ZNF697: variants seen among roughly 807,000 people sequenced by gnomAD.
ZNF697 encodes zinc finger protein 697.
In ZNF697, 23 loss-of-function variants were observed where a neutral mutation model predicts 32.4. The ratio of observed to expected loss-of-function variants is 0.71; its 90% CI spans 0.51 to 1.01. The LOEUF is 1.01. ZNF697 is among the 50% of genes least tolerant of loss of function. The pLI, the probability that ZNF697 is intolerant of heterozygous loss-of-function variation, is 0.00. For missense variants in ZNF697, 930 were observed against 794.0 expected (o/e 1.17, Z -2.06); for synonymous variants, 418 against 337.2 (o/e 1.24, Z -2.62).
chr1:119,633,439 C>T (rs2101088711), intron 1 of ZNF697, among the ~76,000 whole-genome samples: 1 of 151,942 alleles, frequency 6.6e-6, no homozygotes, highest in Non-Finnish European at 1.5e-5. Context: ...AAAGAACTGG[C>T]TCATGCCATT....
At chr1:119,645,420 G>A (rs587604229) in intron 1 of ZNF697, among the ~76,000 whole-genome samples, 3 of 152,224 alleles carry the variant, frequency 2.0e-5, no homozygotes, top group African/African-American at 7.2e-5. Context: ...AATTACCAAG[G>A]GGTAAGATTA....
Position 119,623,017 on chromosome 1 carries a change from G to A in ZNF697, c.1326C>T (p.Cys442=), listed in dbSNP as rs1480197241. Residue 442 remains cysteine, a synonymous_variant, in exon 3 of 3, where the codon TGC becomes TGT. Coordinates refer to ENST00000421812, the MANE Select transcript of ZNF697 (RefSeq NM_001080470.2). ...GCGAGTTACGCCCGAAGCCCTTCCC[G>A]CACTCGCGGCACACGTAGGGCCGCT... ...SGERPYVCRE[C]GKGFGRNSHL... The A allele has an allele frequency of 6.3e-7, 1 of 1,587,964 alleles. No homozygotes were observed. The highest frequency in any genetic ancestry group is 8.6e-7 in the Non-Finnish European group (1 of 1,165,372).
rs1397810938 is a variant in ZNF697 at position 119,620,469 on chromosome 1, T to C, written c.*2236A>G. The C allele has an allele frequency of 1.3e-5, 2 of 152,366 alleles. No homozygotes were observed. The highest frequency in any genetic ancestry group is 4.8e-5 in the African/African-American group (2 of 41,328). 9.4% of individuals were successfully genotyped at this position (152,366 alleles called of 1,614,324 possible). ...GAAAACTTAAAACAGCTGGAAGAGG[T>C]AGATGTACATGGAAAGAAACCCACA... is the stretch of plus-strand genomic sequence containing the variant. On this transcript the variant is annotated 3_prime_UTR_variant, in exon 3 of 3. Transcript: ENST00000421812.
intron 1 of ZNF697, among the ~76,000 whole-genome samples, chr1:119,637,433 T>C (rs1184488291): frequency 2.0e-5 from 3 of 152,236 alleles, no homozygotes; most frequent in Non-Finnish European, 4.4e-5. Context: ...CTGTAGAGAA[T>C]GTATCCACAG....
chr1:119,646,633 A>G (rs902062016), intron 1 of ZNF697, among the ~76,000 whole-genome samples: 1 of 152,218 alleles, frequency 6.6e-6, no homozygotes, highest in African/African-American at 2.4e-5. Context: ...GCCTGGCCAT[A>G]TAAGTGGCAT....
intron 1 of ZNF697, among the ~76,000 whole-genome samples, chr1:119,646,742 C>T (rs1649215989): frequency 6.6e-6 from 1 of 152,084 alleles, no homozygotes; most frequent in African/African-American, 2.4e-5. Flanking sequence ...GGGGCATCAA[C>T]AAAAAATCAG....
At chr1:119,636,804 G>A (rs1291693103) in intron 1 of ZNF697, among the ~76,000 whole-genome samples, 1 of 152,190 alleles carries the variant, frequency 6.6e-6, no homozygotes, top group Non-Finnish European at 1.5e-5. Flanking sequence ...AACCTTTGGT[G>A]CTTGGCTAAT....
intron 1 of ZNF697, among the ~76,000 whole-genome samples, chr1:119,638,741 T>C (rs1441957367): frequency 6.6e-6 from 1 of 152,150 alleles, no homozygotes. Context: ...TGACCTGCAC[T>C]CCAGATCCAC....
In ZNF697 at chr1:119,622,769, C is replaced by G. The variant is rs777776256; in HGVS notation, c.1574G>C (p.Gly525Ala). The change falls in exon 3 of 3, where the codon GGC becomes GCC. Residue 525 changes from glycine to alanine, a missense_variant. Coordinates refer to ENST00000421812, the MANE Select transcript of ZNF697 (RefSeq NM_001080470.2). ...HTGNKPHKCAGCGKGFRYKTH... is the reference protein window; with the variant it reads ...HTGNKPHKCAACGKGFRYKTH... ...TTTATAGCGGAAGCCTTTGCCGCAGCCCGCACACTTGTGCGGCTTGTTGCC... is the reference window on the plus strand; with the variant it reads ...TTTATAGCGGAAGCCTTTGCCGCAGGCCGCACACTTGTGCGGCTTGTTGCC... The G allele has an allele frequency of 7.6e-6, 12 of 1,586,920 alleles. No individual in the cohort carries two copies. In the South Asian group the frequency reaches 1.4e-4, roughly 18 times the overall value.
At position 119,619,436 on chromosome 1, in the gene ZNF697, G is replaced by A. The variant is rs1557930505; in HGVS notation, c.*3269C>T. On this transcript the variant is annotated 3_prime_UTR_variant, in exon 3 of 3. Coordinates refer to ENST00000421812, the MANE Select transcript of ZNF697 (RefSeq NM_001080470.2). ...GAATGACATGGTAAAAGACTGATAT[G>A]GATTTAATGACAAATATTCCATATT... 1 of 152,156 alleles carries A rather than the reference G, an allele frequency of 6.6e-6. No homozygotes were observed. Among genetic ancestry groups the A allele is most frequent in the Admixed American group, 6.5e-5 (1 of 15,268 alleles). 9.4% of individuals were successfully genotyped at this position (152,156 alleles called of 1,614,324 possible).
At chr1:119,628,550 GA>G (rs1469680083) in intron 1 of ZNF697, among the ~76,000 whole-genome samples, 1 of 152,204 alleles carries the variant, frequency 6.6e-6, no homozygotes, top group Non-Finnish European at 1.5e-5. Context: ...AGTAGTTCCT[GA>G]TCCTTATTTT....
At chr1:119,645,250 T>C (rs1649171533) in intron 1 of ZNF697, among the ~76,000 whole-genome samples, 1 of 152,216 alleles carries the variant, frequency 6.6e-6, no homozygotes, top group African/African-American at 2.4e-5. Flanking sequence ...CACAGGTCTA[T>C]GAGAAAGGCT....
intron 1 of ZNF697, among the ~76,000 whole-genome samples, chr1:119,637,942 TGA>T (rs1196511530): frequency 6.0e-5 from 9 of 149,732 alleles, no homozygotes; most frequent in African/African-American, 7.3e-5. Flanking sequence ...TGTGTATGTG[TGA>T]GAGAGAGAGA....
Position 119,623,831 on chromosome 1 carries a change from G to A in ZNF697, c.512C>T (p.Ala171Val). 6.5e-7 allele frequency: 1 copy of A among 1,546,206 alleles called. No individual in the cohort carries two copies. Among genetic ancestry groups the A allele is most frequent in the Middle Eastern group, 1.7e-4 (1 of 5,934 alleles). The change falls in exon 3 of 3, where the codon GCC becomes GTC. Residue 171 changes from alanine to valine, a missense_variant. Coordinates refer to ENST00000421812, the MANE Select transcript of ZNF697 (RefSeq NM_001080470.2). ...RRFHRLHHPM[A>V]VDLGELDSLV... ...GCTATCCAGCTCCCCGAGGTCCACG[G>A]CCATGGGGTGGTGGAGCCGGTGGAA...
At chr1:119,626,322 G>C (rs776845243) in intron 1 of ZNF697, among the ~76,000 whole-genome samples, 185 bp from the exon 2 acceptor site, 1 of 152,212 alleles carries the variant, frequency 6.6e-6, no homozygotes, top group Non-Finnish European at 1.5e-5. Context: ...GGTGGCAGAA[G>C]AACAGTGACA....
chr1:119,635,607 GGACA>G (rs1347498041), intron 1 of ZNF697, among the ~76,000 whole-genome samples: 3 of 152,120 alleles, frequency 2.0e-5, no homozygotes, highest in Non-Finnish European at 4.4e-5. Flanking sequence ...TTTATCCCCA[GGACA>G]GACAAACTAA....
Position 119,622,415 on chromosome 1 carries a change from A to G in ZNF697, c.*290T>C, listed in dbSNP as rs1036824542. 6.6e-6 allele frequency: 2 copies of G among 302,690 alleles called. No homozygotes were observed. Among genetic ancestry groups the G allele is most frequent in the Non-Finnish European group, 1.0e-5 (2 of 199,230 alleles). 18.8% of individuals were successfully genotyped at this position (302,690 alleles called of 1,614,324 possible). ...CAGCCCACGAACTGCCCTTCCTCAAAGTGCCTGGTCCTCCAAGCTCTTCAC... is the reference window on the plus strand; with the variant it reads ...CAGCCCACGAACTGCCCTTCCTCAAGGTGCCTGGTCCTCCAAGCTCTTCAC... On this transcript the variant is annotated 3_prime_UTR_variant, in exon 3 of 3. Transcript: ENST00000421812.
chr1:119,632,720 G>A (rs1232853626), intron 1 of ZNF697, among the ~76,000 whole-genome samples: 6 of 152,184 alleles, frequency 3.9e-5, no homozygotes, highest in South Asian at 2.1e-4. Flanking sequence ...CCTCCTGCAC[G>A]AAATAAGAAT....
intron 1 of ZNF697, among the ~76,000 whole-genome samples, chr1:119,631,990 A>G (rs1312640466): frequency 6.6e-6 from 1 of 152,192 alleles, no homozygotes; most frequent in Non-Finnish European, 1.5e-5. Flanking sequence ...CCTGCGGTTC[A>G]AAAGGCTGAA....
Sources: gnomAD v4.1 joint callset for allele counts (sites outside exome capture counted in the v4.1 genomes callset) on GRCh38, gnomAD v4.1.1 for gene constraint, MANE v1.5 for transcripts, NCBI Gene and HGNC (gene_info 2026-07-23, HGNC 2026-07-21) for gene names.